Variants in CACNA2D3 observed in about 807,000 individuals in gnomAD.
The protein encoded by CACNA2D3 is voltage-dependent calcium channel subunit alpha-2/delta-3.
A neutral mutation model predicts 160.6 loss-of-function variants in CACNA2D3; 60 were observed. That is an observed-to-expected ratio of 0.37 (90% CI 0.30 to 0.46). The LOEUF (loss-of-function observed/expected upper bound fraction) is 0.46, where lower values mean the gene tolerates loss of function less well. Among genes scored for constraint, CACNA2D3 ranks in the 20% least tolerant of loss-of-function variants. The pLI, the probability that CACNA2D3 is intolerant of heterozygous loss-of-function variation, is 1.00. For synonymous variants in CACNA2D3, 558 were observed against 492.9 expected, an observed-to-expected ratio of 1.13 and a Z score of -1.75; for missense variants, 1,205 against 1,365.0, an observed-to-expected ratio of 0.88 and a Z score of 1.85.
intron 29 of CACNA2D3, among the ~76,000 whole-genome samples, chr3:54,983,625 T>G (rs1559454701): frequency 6.6e-6 from 1 of 152,182 alleles, no homozygotes; most frequent in Non-Finnish European, 1.5e-5. Context: ...GCACAGTCAC[T>G]GTCTAGTAAT....
chr3:54,434,544 C>A (rs775973726), intron 4 of CACNA2D3, among the ~76,000 whole-genome samples: 1 of 152,206 alleles, frequency 6.6e-6, no homozygotes, highest in Non-Finnish European at 1.5e-5. Flanking sequence ...TCCCCAAGGA[C>A]GATATTTCTT....
intron 31 of CACNA2D3, among the ~76,000 whole-genome samples, chr3:54,999,485 C>T (rs1220552315): frequency 6.6e-6 from 1 of 152,142 alleles, no homozygotes; most frequent in Non-Finnish European, 1.5e-5. Context: ...CTTTTCAATT[C>T]GGAATTGCTT....
intron 9 of CACNA2D3, among the ~76,000 whole-genome samples, chr3:54,608,714 C>T (rs1698686258): frequency 6.6e-6 from 1 of 152,196 alleles, no homozygotes. Context: ...GAACATGACT[C>T]TTGCAGATTT....
chr3:54,869,146 T>C (rs72876014), intron 17 of CACNA2D3, among the ~76,000 whole-genome samples: 214 of 152,338 alleles, frequency 1.4e-3, no homozygotes, highest in African/African-American at 5.0e-3. Context: ...AAGGAACATT[T>C]GTTGCTCTGG....
chr3:54,700,836 A>G (rs1700754801), intron 11 of CACNA2D3, among the ~76,000 whole-genome samples: 1 of 152,226 alleles, frequency 6.6e-6, no homozygotes, highest in Non-Finnish European at 1.5e-5. Context: ...CCCTTTGTAT[A>G]GGGCTGGAAA....
intron 27 of CACNA2D3, among the ~76,000 whole-genome samples, chr3:54,949,878 A>C (rs1042558091): frequency 3.3e-5 from 5 of 152,338 alleles, no homozygotes; most frequent in Non-Finnish European, 7.3e-5. Context: ...GGGTAGAAGT[A>C]ATTATTTTTA....
chr3:54,724,240 C>T (rs1305448547), intron 11 of CACNA2D3, among the ~76,000 whole-genome samples: 2 of 152,100 alleles, frequency 1.3e-5, no homozygotes, highest in South Asian at 4.1e-4. Context: ...TATATACACC[C>T]AATACAGGAG....
At chr3:54,647,596 A>G (rs1699676676) in intron 11 of CACNA2D3, among the ~76,000 whole-genome samples, 1 of 152,178 alleles carries the variant, frequency 6.6e-6, no homozygotes, top group African/African-American at 2.4e-5. Context: ...CTTACAGTGT[A>G]GCAGCTGGGT....
chr3:54,150,768 G>A (rs1013178504), intron 2 of CACNA2D3, among the ~76,000 whole-genome samples: 21 of 152,234 alleles, frequency 1.4e-4, no homozygotes, highest in African/African-American at 4.6e-4. Context: ...GGATTAGGAT[G>A]TATTCTAAGA....
At chr3:54,214,328 A>T (rs2107367190) in intron 2 of CACNA2D3, among the ~76,000 whole-genome samples, 1 of 152,196 alleles carries the variant, frequency 6.6e-6, no homozygotes, top group South Asian at 2.1e-4. Flanking sequence ...TCCACATGCC[A>T]TATTCTTGAT....
chr3:54,805,967 A>G (rs1013422808), intron 13 of CACNA2D3, among the ~76,000 whole-genome samples: 15 of 152,174 alleles, frequency 9.9e-5, no homozygotes, highest in South Asian at 2.1e-4. Context: ...GATTATCTCA[A>G]TAGATGCAGA....
chr3:54,844,797 A>G (rs1416737667), intron 16 of CACNA2D3, among the ~76,000 whole-genome samples: 1 of 152,224 alleles, frequency 6.6e-6, no homozygotes, highest in Non-Finnish European at 1.5e-5. Context: ...TCTCACAAGC[A>G]AAAGAAGAAG....
intron 5 of CACNA2D3, among the ~76,000 whole-genome samples, chr3:54,543,253 G>T (rs777198074): frequency 2.6e-5 from 4 of 152,160 alleles, no homozygotes; most frequent in African/African-American, 4.8e-5. Flanking sequence ...AAGGTCGGAG[G>T]GTGGCGTTAG....
At chr3:55,058,086 G>A (rs751551495) in intron 35 of CACNA2D3, among the ~76,000 whole-genome samples, 14 of 152,198 alleles carry the variant, frequency 9.2e-5, no homozygotes, top group Non-Finnish European at 1.9e-4. Flanking sequence ...CGTCTTCCTG[G>A]CTATAGGTCT....
intron 27 of CACNA2D3, among the ~76,000 whole-genome samples, chr3:54,940,734 T>C (rs1349208605): frequency 6.6e-6 from 1 of 152,212 alleles, no homozygotes; most frequent in Non-Finnish European, 1.5e-5. Flanking sequence ...CCTTTTGCAT[T>C]TATTCTGTGC....
chr3:54,425,413 C>T (rs1466571003), intron 4 of CACNA2D3, among the ~76,000 whole-genome samples: 1 of 152,184 alleles, frequency 6.6e-6, no homozygotes, highest in Non-Finnish European at 1.5e-5. Flanking sequence ...TGCGCAAATT[C>T]TTAGGCAAGT....
In CACNA2D3 at chr3:54,871,701, T is replaced by C; in HGVS notation, c.1710+79T>C. On this transcript the variant is annotated intron_variant, in intron 18 of 37. Transcript: ENST00000474759. The stretch of plus-strand genomic sequence containing the variant: ...CTGTACCTGGGGGCGATCCCAGGAG[T>C]TGGCCAAGAGGCCCACTGAAGGGAC... The C allele has an allele frequency of 2.6e-6, 3 of 1,152,692 alleles. No homozygotes were observed. The South Asian group carries it at 4.0e-5, about 15-fold the overall frequency. 71.4% of individuals were successfully genotyped at this position (1,152,692 alleles called of 1,614,324 possible). A position where few individuals can be genotyped will look rare whatever the true frequency, so the allele number is the denominator to read the frequency against.
At chr3:54,296,558 A>C (rs1388873364) in intron 2 of CACNA2D3, among the ~76,000 whole-genome samples, 1 of 152,306 alleles carries the variant, frequency 6.6e-6, no homozygotes, top group South Asian at 2.1e-4. Context: ...GCTCGCTTTT[A>C]TTCACTGTGT....
chr3:54,309,022 A>T (rs1025340991), intron 2 of CACNA2D3, among the ~76,000 whole-genome samples: 4 of 152,242 alleles, frequency 2.6e-5, no homozygotes, highest in Non-Finnish European at 4.4e-5. Flanking sequence ...ATACAAAGAG[A>T]TATTTCTTCT....
Sources: allele counts gnomAD v4.1 joint callset (sites outside exome capture counted in the v4.1 genomes callset), GRCh38; gene constraint gnomAD v4.1.1; transcripts MANE v1.5; gene names NCBI Gene and HGNC (gene_info 2026-07-23, HGNC 2026-07-21).